The following TNRC6A variants were observed in gnomAD, a reference collection of about 807,000 sequenced individuals.
The protein encoded by TNRC6A is trinucleotide repeat containing adaptor 6A, also known as trinucleotide repeat-containing gene 6A protein.
TNRC6A carries 44 observed loss-of-function variants against 221.2 expected under a neutral mutation model. The ratio of observed to expected loss-of-function variants is 0.20; its 90% confidence interval spans 0.16 to 0.26. The LOEUF (loss-of-function observed/expected upper bound fraction) is 0.26. TNRC6A is among the 10% of genes least tolerant of loss of function. The pLI is 1.00. For missense variants in TNRC6A, 2,199 were observed against 2,404.4 expected, an observed-to-expected ratio of 0.91 and a Z score of 1.79; for synonymous variants, 847 against 838.5, an observed-to-expected ratio of 1.01 and a Z score of -0.18.
chr16:24,778,961 A>C (rs12927710), intron 5 of TNRC6A, among the ~76,000 whole-genome samples: 23,496 of 152,204 alleles, frequency 0.15, 1,942 homozygotes, highest in Middle Eastern at 0.2. Context: ...AATGGTACTG[A>C]ACAAGACAGT....
At chr16:24,771,844 G>T (rs940565218) in intron 4 of TNRC6A, among the ~76,000 whole-genome samples, 2 of 152,074 alleles carry the variant, frequency 1.3e-5, no homozygotes, top group African/African-American at 4.8e-5. Context: ...GCCTATTTTG[G>T]TAAATTATAT....
chr16:24,684,736 T>C (rs559753472), intron 2 of TNRC6A, among the ~76,000 whole-genome samples: 33 of 150,818 alleles, frequency 2.2e-4, no homozygotes, highest in African/African-American at 8.0e-4. Flanking sequence ...AGCCCAAGAG[T>C]TCGAGGTTAC....
intron 2 of TNRC6A, among the ~76,000 whole-genome samples, chr16:24,735,618 G>T (rs1323035180): frequency 6.6e-6 from 1 of 152,170 alleles, no homozygotes; most frequent in African/African-American, 2.4e-5. Context: ...ATTTAAAAAT[G>T]TGTAACAACC....
chr16:24,702,173 TTCTTTTTTC>T (rs2055996504), intron 2 of TNRC6A, among the ~76,000 whole-genome samples: 1 of 96,256 alleles, frequency 1.0e-5, no homozygotes, highest in African/African-American at 5.3e-5. Flanking sequence ...CTTTTCTTTT[TTCTTTTTTC>T]TTTTTTTTTT....
intron 5 of TNRC6A, among the ~76,000 whole-genome samples, chr16:24,783,838 G>A (rs1024658820): frequency 2.0e-5 from 3 of 152,070 alleles, no homozygotes; most frequent in African/African-American, 7.2e-5. Context: ...TTACAACACT[G>A]GGTCTTGTGT....
rs578214709 is a variant in TNRC6A at position 24,673,999 on chromosome 16, T to C, written n.402+32990T>C. On this transcript the variant is annotated intron_variant and non_coding_transcript_variant, in intron 2 of 2. Transcript: ENST00000566108. ...CAGAAGAGCTTGGCATCAGATACCA[T>C]CCAAAACATTTCCATCATAGTTGCA... 6.6e-5 allele frequency among the ~76,000 whole-genome samples: 10 copies of C among 152,276 alleles called. No individual in the cohort carries two copies. The East Asian group carries it at 9.6e-4, about 15-fold the overall frequency.
intron 2 of TNRC6A, among the ~76,000 whole-genome samples, chr16:24,689,493 T>C (rs955010664): frequency 6.6e-6 from 1 of 152,218 alleles, no homozygotes; most frequent in Non-Finnish European, 1.5e-5. Flanking sequence ...TCATAGTCCA[T>C]GAGACCACAT....
chr16:24,712,340 G>A (rs1200213276), intron 2 of TNRC6A, among the ~76,000 whole-genome samples: 2 of 152,170 alleles, frequency 1.3e-5, no homozygotes, highest in Non-Finnish European at 2.9e-5. Context: ...GCTGGTTGGG[G>A]TGGGGCTTAT....
chr16:24,663,052 T>G (rs1442500840), intron 2 of TNRC6A: 1 of 153,686 alleles, frequency 6.5e-6, no homozygotes, highest in African/African-American at 2.4e-5. Flanking sequence ...TCTCAGTGTG[T>G]TCAGAACTGC....
At chr16:24,685,276 G>A (rs1327021256) in intron 2 of TNRC6A, among the ~76,000 whole-genome samples, 3 of 152,122 alleles carry the variant, frequency 2.0e-5, no homozygotes, top group South Asian at 2.1e-4. Context: ...CGTATACACC[G>A]GTAGGGAAAC....
At chr16:24,740,776 A>G (rs1038281045) in intron 2 of TNRC6A, among the ~76,000 whole-genome samples, 1 of 152,126 alleles carries the variant, frequency 6.6e-6, no homozygotes, top group African/African-American at 2.4e-5. Context: ...TAAAATGGAA[A>G]CTCTGTACCC....
chr16:24,708,619 C>G (rs537898490), intron 2 of TNRC6A, among the ~76,000 whole-genome samples: 110 of 152,122 alleles, frequency 7.2e-4, no homozygotes, highest in Middle Eastern at 3.4e-3. Context: ...ACACTGTCTC[C>G]AATATGTAGT....
chr16:24,643,603 C>A (rs757988518), intron 2 of TNRC6A, among the ~76,000 whole-genome samples: 1 of 152,136 alleles, frequency 6.6e-6, no homozygotes, highest in Non-Finnish European at 1.5e-5. Context: ...CTAACCTAAC[C>A]CATCAGACTT....
At position 24,791,247 on chromosome 16, in the gene TNRC6A, G is replaced by T. The variant is rs2058093970; in HGVS notation, c.2605G>T (p.Ala869Ser). ...ETSRNNHWGE[A>S]NKKSSSGGSD... Reference sequence around the variant, plus strand: ...TTCAAGGAATAACCATTGGGGTGAGGCCAATAAGAAATCCAGCTCAGGAGG... The same window carrying T: ...TTCAAGGAATAACCATTGGGGTGAGTCCAATAAGAAATCCAGCTCAGGAGG... Residue 869 changes from alanine (A) to serine (S), a missense_variant, in exon 6 of 25, where the codon GCC becomes TCC. By Grantham distance (99) the Ala-to-Ser change is moderately conservative. This residue lies in a region of TNRC6A where 1,405 missense variants were observed against 1,400.2 expected (regional missense o/e 1.00). Transcript: ENST00000395799. 2.5e-6 allele frequency: 4 copies of T among 1,614,192 alleles called. No homozygotes were observed. Among genetic ancestry groups the T allele is most frequent in the Non-Finnish European group, 3.4e-6 (4 of 1,180,028 alleles).
At chr16:24,704,122 T>C (rs1294668648) in intron 2 of TNRC6A, among the ~76,000 whole-genome samples, 1 of 150,672 alleles carries the variant, frequency 6.6e-6, no homozygotes. Context: ...GGAGACAAAG[T>C]CTCCTTCTGT....
intron 2 of TNRC6A, among the ~76,000 whole-genome samples, chr16:24,716,530 G>A (rs1443965508): frequency 1.3e-5 from 2 of 152,084 alleles, no homozygotes; most frequent in African/African-American, 2.4e-5. Context: ...TTAGCCGAGC[G>A]TGATGGTGCA....
At position 24,822,157 on chromosome 16, in the gene TNRC6A, C is replaced by A; in HGVS notation, c.5373+10C>A. On this transcript the variant is annotated intron_variant, in intron 23 of 24. Transcript: ENST00000395799. ...AAACCTTACACCTCAGGTAAGGATA[C>A]CAGATACGCTGGTTTATGTGGCTAC... is the stretch of plus-strand genomic sequence containing the variant. 6.2e-7 allele frequency: 1 copy of A among 1,613,162 alleles called. No individual in the cohort carries two copies. Among genetic ancestry groups the A allele is most frequent in the Non-Finnish European group, 8.5e-7 (1 of 1,179,230 alleles).
intron 9 of TNRC6A, among the ~76,000 whole-genome samples, chr16:24,796,734 G>A (rs1344002236): frequency 1.1e-5 from 1 of 93,690 alleles, no homozygotes; most frequent in Non-Finnish European, 2.2e-5. Flanking sequence ...CAGTAGCAAT[G>A]GGAAGGGGTA....
At chr16:24,805,758 A>T in intron 15 of TNRC6A, 25 bp downstream of exon 15, 1 of 1,614,106 alleles carries the variant, frequency 6.2e-7, no homozygotes, top group African/African-American at 1.3e-5. Flanking sequence ...AGTCTTTCTT[A>T]GTACACATTT....
Sources: gnomAD v4.1 joint callset for allele counts (sites outside exome capture counted in the v4.1 genomes callset) on GRCh38, gnomAD v4.1.1 for gene constraint, gnomAD v4.1.1 regional missense constraint, MANE v1.5 for transcripts, NCBI Gene and HGNC (gene_info 2026-07-23, HGNC 2026-07-21) for gene names.